Variants in MCTS1 observed in about 807,000 individuals in gnomAD.
The protein encoded by MCTS1 is MCTS1 re-initiation and release factor.
For missense variants in MCTS1, 55 were observed against 128.6 expected (o/e 0.43, Z 2.77); for synonymous variants, 26 against 40.8 (o/e 0.64, Z 1.38).
chrX:120,604,952 A>G (rs1926494258), intron 1 of MCTS1: 1 of 1,017,180 alleles, frequency 9.8e-7, no homozygotes, highest in Non-Finnish European at 1.3e-6. Flanking sequence ...AAATCTCAGC[A>G]GATTACATAG....
In MCTS1 at chrX:120,616,774, A is replaced by C. The variant is rs1359547020; in HGVS notation, c.*4510A>C. On this transcript the variant is annotated 3_prime_UTR_variant, in exon 6 of 6. Transcript: ENST00000371317. ...AAAGAACTCCAAATTTTAGCCTTGA[A>C]TACTTTGAGAAATAAAAGATGAATT... is the stretch of plus-strand genomic sequence containing the variant. Among the ~76,000 whole-genome samples the C allele has an allele frequency of 8.9e-6, 1 of 112,585 alleles. No individual in the cohort carries two copies. Among genetic ancestry groups the C allele is most frequent in the Non-Finnish European group, 1.9e-5 (1 of 53,352 alleles).
rs746888860 is a variant in MCTS1, at chrX:120,616,066, AAT to A, written c.*3805_*3806del. On this transcript the variant is annotated 3_prime_UTR_variant, in exon 6 of 6. Transcript: ENST00000371317. ...TTCGTGGAGGTGTTTCATTATAATA[AAT>A]ATGTCACTTATTAATAATGTAGCAA... 2.0e-3 allele frequency among the ~76,000 whole-genome samples: 229 copies of A among 112,942 alleles called. No homozygotes were observed. Among genetic ancestry groups the A allele is most frequent in the African/African-American group, 7.2e-3 (226 of 31,211 alleles).
intron 4 of MCTS1, among the ~76,000 whole-genome samples, chrX:120,609,866 A>T (rs757233394): frequency 8.9e-6 from 1 of 112,203 alleles, no homozygotes; most frequent in African/African-American, 3.2e-5. Context: ...TGTACCCTGA[A>T]TCTTGACTTT....
At chrX:120,610,861 C>T (rs1047588586) in intron 4 of MCTS1, 150 bp from the exon 5 acceptor site, 1 of 490,256 alleles carries the variant, frequency 2.0e-6, no homozygotes, top group Non-Finnish European at 3.5e-6. Context: ...TGCTAGGTCT[C>T]TGCTCTCAAG....
chrX:120,604,117 C>A lies in MCTS1; in HGVS notation c.-120C>A. The A allele has an allele frequency of 2.2e-6, 2 of 913,364 alleles. No homozygotes were observed. Among genetic ancestry groups the A allele is most frequent in the Non-Finnish European group, 3.1e-6 (2 of 644,019 alleles). The allele number at this position is 913,364 out of a possible 1,213,427, so 75.3% of individuals were successfully genotyped here. ...CTGGCTCTCGTTTTCCGGATAACGA[C>A]TACAGCTCCGACTGTCAGTGCCGGC... On this transcript the variant is annotated 5_prime_UTR_variant, in exon 1 of 6. Coordinates refer to ENST00000371317, the MANE Select transcript of MCTS1 (RefSeq NM_014060.3).
At chrX:120,604,498 C>T (rs1926479156) in intron 1 of MCTS1, 2 of 542,542 alleles carry the variant, frequency 3.7e-6, no homozygotes, top group Admixed American at 8.4e-5. Flanking sequence ...TTCTCTTTTG[C>T]CCCCTCCCCC....
intron 3 of MCTS1, 146 bp from the exon 4 acceptor site, chrX:120,608,079 T>A (rs1197773783): frequency 4.3e-6 from 2 of 467,901 alleles, no homozygotes; most frequent in African/African-American, 2.4e-5. Flanking sequence ...CAAAAAAGAT[T>A]ACCAATTTGG....
intron 3 of MCTS1, 79 bp downstream of exon 3, chrX:120,606,255 C>T (rs930907747): frequency 5.6e-5 from 30 of 540,475 alleles, no homozygotes; most frequent in Non-Finnish European, 7.6e-5. Flanking sequence ...AAGAAATATG[C>T]ATTTAATCAG....
rs906951834 is a variant in MCTS1 at position 120,604,609 on chromosome X, A to G, written c.11+362A>G. The G allele has an allele frequency of 1.3e-5, 12 of 907,484 alleles. No individual in the cohort carries two copies. The African/African-American group carries it at 2.4e-4, about 18-fold the overall frequency. 74.8% of individuals were successfully genotyped at this position (907,484 alleles called of 1,213,427 possible). A position where few individuals can be genotyped will look rare whatever the true frequency, so the allele number is the denominator to read the frequency against. On this transcript the variant is annotated intron_variant, in intron 1 of 5. Transcript: ENST00000371317. ...AGAGGGGAGCCCTGCGCTCACTGCC[A>G]TATGTTTATTAGTTATGAACTGAAT...
rs2147379494 is a variant in MCTS1, at chrX:120,619,555, T to C, written c.*7291T>C. ...AAATGGCAGAACTGGAATTTGAACC[T>C]AAGTCTCCTTGTCTGCAAATCCTGT... On this transcript the variant is annotated 3_prime_UTR_variant, in exon 6 of 6. Transcript: ENST00000371317. 9.1e-6 allele frequency among the ~76,000 whole-genome samples: 1 copy of C among 110,002 alleles called. No individual in the cohort carries two copies. Among genetic ancestry groups the C allele is most frequent in the Admixed American group, 9.7e-5 (1 of 10,319 alleles).
chrX:120,604,328 CTCTT>C lies in MCTS1; in HGVS notation c.11+85_11+88del. On this transcript the variant is annotated intron_variant, in intron 1 of 5. Coordinates refer to ENST00000371317, the MANE Select transcript of MCTS1 (RefSeq NM_014060.3). ...GGGGAAGAGGGCGAGAGCTAAGATC[CTCTT>C]TCTCTCTCCCCCGCCCCTGCCATCC... 4 of 1,127,617 alleles carry C rather than the reference CTCTT, an allele frequency of 3.5e-6. No individual in the cohort carries two copies. The Admixed American group carries it at 6.8e-5, about 19-fold the overall frequency. 92.9% of individuals were successfully genotyped at this position (1,127,617 alleles called of 1,213,427 possible).
chrX:120,610,833 C>T (rs1205337777), intron 4 of MCTS1, 178 bp from the exon 5 acceptor site: 1 of 408,833 alleles, frequency 2.4e-6, no homozygotes, highest in East Asian at 3.8e-5. Flanking sequence ...TGAGTATTTA[C>T]AGTGTACCCA....
At chrX:120,607,867 A>G (rs1271747640) in intron 3 of MCTS1, among the ~76,000 whole-genome samples, 1 of 110,886 alleles carries the variant, frequency 9.0e-6, no homozygotes, top group Non-Finnish European at 1.9e-5. Flanking sequence ...TTCACTTAAC[A>G]TTATATCACA....
At chrX:120,606,369 A>G (rs907549812) in intron 3 of MCTS1, among the ~76,000 whole-genome samples, 193 bp downstream of exon 3, 4 of 112,651 alleles carry the variant, frequency 3.6e-5, no homozygotes, top group Non-Finnish European at 7.5e-5. Context: ...ATTATTTATT[A>G]GTACTAGGTA....
chrX:120,609,931 A>T (rs758093805), intron 4 of MCTS1, among the ~76,000 whole-genome samples: 21 of 112,247 alleles, frequency 1.9e-4, no homozygotes, highest in African/African-American at 6.1e-4. Context: ...GTTAACCAAG[A>T]CCACTCTGGT....
In MCTS1 at chrX:120,620,041, G is replaced by GTGGTTCACGCCTGTAATCCCAGTACTT. The variant is rs1926971989; in HGVS notation, c.*7781_*7807dup. Among the ~76,000 whole-genome samples the GTGGTTCACGCCTGTAATCCCAGTACTT allele has an allele frequency of 1.8e-5, 2 of 111,980 alleles. No individual in the cohort carries two copies. Among genetic ancestry groups the GTGGTTCACGCCTGTAATCCCAGTACTT allele is most frequent in the Non-Finnish European group, 3.8e-5 (2 of 53,224 alleles). The stretch of plus-strand genomic sequence containing the variant: ...AGATATCTGGGGAAGGCCGGGCACG[G>GTGGTTCACGCCTGTAATCCCAGTACTT]TGGTTCACGCCTGTAATCCCAGTAC... On this transcript the variant is annotated 3_prime_UTR_variant, in exon 6 of 6. Transcript: ENST00000371317.
Position 120,618,787 on chromosome X carries a change from T to C in MCTS1, c.*6523T>C, listed in dbSNP as rs1012422079. 8.9e-6 allele frequency among the ~76,000 whole-genome samples: 1 copy of C among 112,373 alleles called. No homozygotes were observed. The highest frequency in any genetic ancestry group is 1.9e-5 in the Non-Finnish European group (1 of 53,336). On this transcript the variant is annotated 3_prime_UTR_variant, in exon 6 of 6. Transcript: ENST00000371317. ...GTTTCACAAGGTTAAAATTTTGTAT[T>C]TTGTAAAGTGTCTGAAAAGGAGTCC...
At chrX:120,605,375 CCTTTT>C (rs1423440059) in intron 1 of MCTS1, 27 bp from the exon 2 acceptor site, 3 of 1,139,014 alleles carry the variant, frequency 2.6e-6, no homozygotes, top group South Asian at 2.2e-5. Context: ...CTTAGAAATG[CCTTTT>C]CTTTTCTTGC....
intron 2 of MCTS1, 148 bp downstream of exon 2, chrX:120,605,707 T>C: frequency 1.6e-6 from 1 of 608,945 alleles, no homozygotes; most frequent in Non-Finnish European, 2.4e-6. Context: ...AACTCCAATA[T>C]TTGTATTTTC....
Sources: allele counts gnomAD v4.1 joint callset (sites outside exome capture counted in the v4.1 genomes callset), GRCh38; gene constraint gnomAD v4.1.1; transcripts MANE v1.5; gene names NCBI Gene and HGNC (gene_info 2026-07-23, HGNC 2026-07-21).